Variants in DGKB observed in about 807,000 individuals in gnomAD.
The protein encoded by DGKB is diacylglycerol kinase beta.
DGKB carries 67 observed loss-of-function variants against 114.3 expected under a neutral mutation model. The ratio of observed to expected loss-of-function variants is 0.59; its 90% CI spans 0.48 to 0.72. DGKB has a LOEUF of 0.72. DGKB is among the 30% of genes least tolerant of loss of function. The pLI, the probability that DGKB is intolerant of heterozygous loss-of-function variation, is 0.00. For missense variants in DGKB, 907 were observed against 975.2 expected (o/e 0.93, Z 0.93); for synonymous variants, 398 against 323.1 (o/e 1.23, Z -2.49).
At chr7:14,781,496 C>T (rs952444530) in intron 2 of DGKB, among the ~76,000 whole-genome samples, 5 of 152,144 alleles carry the variant, frequency 3.3e-5, no homozygotes, top group Admixed American at 6.6e-5. Flanking sequence ...CTCTCCTCAC[C>T]TGCTAATATT....
intron 20 of DGKB, among the ~76,000 whole-genome samples, chr7:14,519,022 A>C (rs999957716): frequency 7.9e-5 from 12 of 152,090 alleles, no homozygotes; most frequent in Non-Finnish European, 1.8e-4. Context: ...AAAACCCTAC[A>C]CACGGAGTTT....
intron 17 of DGKB, among the ~76,000 whole-genome samples, chr7:14,586,837 C>T (rs116498031): frequency 1.6e-3 from 243 of 147,928 alleles, no homozygotes; most frequent in African/African-American, 6.0e-3. Context: ...TTTAAGTCCA[C>T]GACTGAGACA....
At chr7:14,859,505 T>C (rs945951673) in intron 1 of DGKB, among the ~76,000 whole-genome samples, 1 of 152,068 alleles carries the variant, frequency 6.6e-6, no homozygotes, top group Admixed American at 6.6e-5. Flanking sequence ...CTGCACTCTA[T>C]AGAATGTGCA....
intron 9 of DGKB, among the ~76,000 whole-genome samples, chr7:14,686,836 G>C (rs1450964109): frequency 6.6e-6 from 1 of 151,892 alleles, no homozygotes; most frequent in Non-Finnish European, 1.5e-5. Context: ...CAGAAGCACT[G>C]TCCTTTCTTT....
intron 6 of DGKB, among the ~76,000 whole-genome samples, chr7:14,714,523 A>T (rs1366898517): frequency 6.6e-6 from 1 of 152,148 alleles, no homozygotes; most frequent in East Asian, 1.9e-4. Context: ...CAGAAAAAAA[A>T]TAAGTATGTT....
chr7:14,424,706 T>C (rs1233786881), intron 21 of DGKB, among the ~76,000 whole-genome samples: 1 of 152,116 alleles, frequency 6.6e-6, no homozygotes, highest in Non-Finnish European at 1.5e-5. Flanking sequence ...CTCCATGAAC[T>C]GCATAATCCC....
chr7:14,897,759 C>A (rs962592800), intron 1 of DGKB, among the ~76,000 whole-genome samples: 1 of 151,884 alleles, frequency 6.6e-6, no homozygotes, highest in African/African-American at 2.4e-5. Context: ...ATGACTTCTA[C>A]TTATTAAAAT....
At chr7:14,322,501 G>C (rs73054222) in intron 23 of DGKB, among the ~76,000 whole-genome samples, 15,371 of 152,104 alleles carry the variant, frequency 0.1, 820 homozygotes, top group East Asian at 0.14. Context: ...CCATCTTAAT[G>C]TTAAAGTTAA....
chr7:14,527,254 C>A (rs1260430411), intron 20 of DGKB, among the ~76,000 whole-genome samples: 3 of 152,032 alleles, frequency 2.0e-5, no homozygotes, highest in Admixed American at 2.0e-4. Context: ...GACAGATAAT[C>A]TTTTATTGGA....
At chr7:14,894,519 G>A (rs1232754000) in intron 1 of DGKB, among the ~76,000 whole-genome samples, 1 of 151,354 alleles carries the variant, frequency 6.6e-6, no homozygotes, top group African/African-American at 2.4e-5. Flanking sequence ...TTCTTCTTGT[G>A]TTTTGTTTTC....
chr7:14,155,686 G>A (rs1181394556), intron 25 of DGKB, among the ~76,000 whole-genome samples: 2 of 152,082 alleles, frequency 1.3e-5, no homozygotes, highest in Admixed American at 1.3e-4. Flanking sequence ...TACAGGATAC[G>A]ATGGGTGAGT....
chr7:14,442,672 T>G (rs2128815477), intron 21 of DGKB, among the ~76,000 whole-genome samples: 1 of 152,226 alleles, frequency 6.6e-6, no homozygotes, highest in South Asian at 2.1e-4. Context: ...ATATGTAATA[T>G]TTTACCACAT....
chr7:14,419,982 T>C (rs752533119), intron 21 of DGKB, among the ~76,000 whole-genome samples: 2 of 152,176 alleles, frequency 1.3e-5, no homozygotes, highest in African/African-American at 2.4e-5. Context: ...TGTCAACTTA[T>C]ACTGCTGTGC....
chr7:14,300,225 T>C lies in DGKB; in HGVS notation c.2122+38290A>G, dbSNP rs1562876724. Among the ~76,000 whole-genome samples, 10 of 152,288 alleles carry C rather than the reference T, an allele frequency of 6.6e-5. No individual in the cohort carries two copies. In the South Asian group the frequency reaches 2.1e-3, roughly 32 times the overall value. ...ATGTTTCCTATTTTAGATGTCACTATGATTTTAAATGTTAACATACAATAG... is the reference window on the plus strand; with the variant it reads ...ATGTTTCCTATTTTAGATGTCACTACGATTTTAAATGTTAACATACAATAG... On this transcript the variant is annotated intron_variant, in intron 23 of 25. Coordinates refer to ENST00000402815, the MANE Select transcript of DGKB (RefSeq NM_001350709.2).
chr7:14,471,878 T>C (rs1781467575), intron 21 of DGKB, among the ~76,000 whole-genome samples: 1 of 152,130 alleles, frequency 6.6e-6, no homozygotes, highest in Non-Finnish European at 1.5e-5. Context: ...ACTGTGTAGT[T>C]ACTAAAGCCC....
At chr7:14,367,523 C>T (rs1312808335) in intron 21 of DGKB, among the ~76,000 whole-genome samples, 2 of 151,998 alleles carry the variant, frequency 1.3e-5, no homozygotes, top group Admixed American at 1.3e-4. Flanking sequence ...ACTGTGAGTC[C>T]ATTAAACCTC....
At chr7:14,191,751 G>A in intron 23 of DGKB, 1 of 343,288 alleles carries the variant, frequency 2.9e-6, no homozygotes. Context: ...GCTGATGACA[G>A]CAAAAATGAC....
intron 13 of DGKB, among the ~76,000 whole-genome samples, chr7:14,638,401 C>G (rs1319665383): frequency 6.6e-6 from 1 of 152,074 alleles, no homozygotes; most frequent in Non-Finnish European, 1.5e-5. Flanking sequence ...TTTTTTAAAA[C>G]CAAGCCTCCT....
chr7:14,971,025 A>G (rs1484480341), intron 1 of DGKB, among the ~76,000 whole-genome samples: 1 of 152,160 alleles, frequency 6.6e-6, no homozygotes, highest in Admixed American at 6.5e-5. Context: ...ATTTACTTTC[A>G]TTTTCCCAAG....
Sources: gnomAD v4.1 joint callset for allele counts (sites outside exome capture counted in the v4.1 genomes callset) on GRCh38, gnomAD v4.1.1 for gene constraint, MANE v1.5 for transcripts, NCBI Gene and HGNC (gene_info 2026-07-23, HGNC 2026-07-21) for gene names.